The following TMEM132B variants were observed in gnomAD, a reference collection of about 807,000 sequenced individuals.
TMEM132B encodes the protein transmembrane protein 132B.
Under a neutral mutation model 90.8 loss-of-function variants are expected in TMEM132B, and 18 were observed. The observed-to-expected ratio is 0.20, with a 90% CI of 0.14 to 0.29. The LOEUF (loss-of-function observed/expected upper bound fraction) is 0.29, where lower values mean the gene tolerates loss of function less well. Ranked by LOEUF, TMEM132B falls within the 10% of genes least tolerant of loss-of-function variation. The probability of loss-of-function intolerance (pLI) is 1.00; values close to 1 mark genes in which losing one functional copy is unlikely to be tolerated. For synonymous variants in TMEM132B, 504 were observed against 523.3 expected (o/e 0.96, Z 0.50); for missense variants, 1,096 against 1,326.8 (o/e 0.83, Z 2.70).
At chr12:125,585,274 T>C (rs1174951130) in intron 5 of TMEM132B, 2 of 152,186 alleles carry the variant, frequency 1.3e-5, no homozygotes, top group East Asian at 1.9e-4. Context: ...CCTGCACACA[T>C]AGCCCTGCCT....
chr12:125,299,877 T>G (rs940493390), intron 1 of TMEM132B, among the ~76,000 whole-genome samples: 5 of 152,204 alleles, frequency 3.3e-5, no homozygotes, highest in Non-Finnish European at 5.9e-5. Flanking sequence ...CACACAGAGC[T>G]TGTGGGGTTC....
chr12:125,356,164 GT>G (rs922144167), intron 2 of TMEM132B, among the ~76,000 whole-genome samples: 2 of 152,132 alleles, frequency 1.3e-5, no homozygotes, highest in African/African-American at 4.8e-5. Flanking sequence ...TTAAAATAGG[GT>G]TTTCTCAGCT....
chr12:125,368,496 A>G (rs1878197951), intron 2 of TMEM132B, among the ~76,000 whole-genome samples: 1 of 152,140 alleles, frequency 6.6e-6, no homozygotes, highest in East Asian at 1.9e-4. Context: ...ACCCCTCATC[A>G]AATTTTTATT....
chr12:125,470,253 T>C (rs186104259), intron 3 of TMEM132B, among the ~76,000 whole-genome samples: 1 of 152,298 alleles, frequency 6.6e-6, no homozygotes, highest in East Asian at 1.9e-4. Flanking sequence ...AGGCCCACTC[T>C]TTCTCAAGCC....
chr12:125,279,216 C>G (rs1483871816), intron 1 of TMEM132B, among the ~76,000 whole-genome samples: 2 of 152,180 alleles, frequency 1.3e-5, no homozygotes, highest in Non-Finnish European at 2.9e-5. Flanking sequence ...AGGCCATTGC[C>G]AGGTAGGTCC....
At chr12:125,229,408 G>A (rs1488077408) in intron 1 of TMEM132B, among the ~76,000 whole-genome samples, 2 of 152,158 alleles carry the variant, frequency 1.3e-5, no homozygotes, top group African/African-American at 4.8e-5. Flanking sequence ...ACCGTCACTA[G>A]GTTCATTCCT....
At chr12:125,515,176 T>TCA (rs1188552668) in intron 3 of TMEM132B, among the ~76,000 whole-genome samples, 1 of 150,978 alleles carries the variant, frequency 6.6e-6, no homozygotes, top group African/African-American at 2.5e-5. Context: ...TCTCCCACAC[T>TCA]CACACACGCA....
chr12:125,638,972 A>G (rs1213906119), intron 5 of TMEM132B, among the ~76,000 whole-genome samples: 1 of 152,158 alleles, frequency 6.6e-6, no homozygotes, highest in African/African-American at 2.4e-5. Context: ...GATTAACATG[A>G]CACAAATCAT....
At chr12:125,608,580 C>T (rs553444807) in intron 5 of TMEM132B, among the ~76,000 whole-genome samples, 4 of 152,112 alleles carry the variant, frequency 2.6e-5, no homozygotes, top group African/African-American at 9.7e-5. Flanking sequence ...TTGATCAAGT[C>T]TAAATGTAAC....
At chr12:125,481,163 C>G (rs555346880) in intron 3 of TMEM132B, among the ~76,000 whole-genome samples, 2 of 152,260 alleles carry the variant, frequency 1.3e-5, no homozygotes, top group African/African-American at 4.8e-5. Flanking sequence ...ACTGAATAGG[C>G]AAAACTGGAA....
At chr12:125,436,046 G>C (rs911187705) in intron 3 of TMEM132B, among the ~76,000 whole-genome samples, 3 of 152,096 alleles carry the variant, frequency 2.0e-5, no homozygotes, top group East Asian at 1.9e-4. Flanking sequence ...CCTCCCTTCT[G>C]TTCCGAGGCA....
intron 4 of TMEM132B, among the ~76,000 whole-genome samples, chr12:125,529,512 C>G (rs1187539015): frequency 2.0e-5 from 3 of 152,172 alleles, no homozygotes; most frequent in East Asian, 3.9e-4. Context: ...GTCAAGAGAG[C>G]CTTTCTCTGC....
At chr12:125,550,367 A>T (rs1884195686) in intron 4 of TMEM132B, among the ~76,000 whole-genome samples, 1 of 152,104 alleles carries the variant, frequency 6.6e-6, no homozygotes, top group African/African-American at 2.4e-5. Flanking sequence ...TGTTTTTTTT[A>T]AACTCATTTA....
At chr12:125,203,601 T>G (rs987927648) in intron 1 of TMEM132B, among the ~76,000 whole-genome samples, 2 of 152,256 alleles carry the variant, frequency 1.3e-5, no homozygotes, top group African/African-American at 4.8e-5. Flanking sequence ...CTAGAGTTAG[T>G]AGAATTTTAC....
chr12:125,586,317 A>G (rs1176186103), intron 5 of TMEM132B: 1 of 152,214 alleles, frequency 6.6e-6, no homozygotes, highest in Non-Finnish European at 1.5e-5. Context: ...TTGGCCTGTG[A>G]TTGTATGACT....
chr12:125,282,466 A>AT (rs1565991911), intron 1 of TMEM132B, among the ~76,000 whole-genome samples: 1 of 152,146 alleles, frequency 6.6e-6, no homozygotes, highest in African/African-American at 2.4e-5. Context: ...CTGACTTCTC[A>AT]TAACACTCTC....
At chr12:125,394,030 C>A (rs538075809) in intron 2 of TMEM132B, among the ~76,000 whole-genome samples, 1 of 152,282 alleles carries the variant, frequency 6.6e-6, no homozygotes, top group South Asian at 2.1e-4. Flanking sequence ...GACAATGGAT[C>A]TGGAGGGGCA....
At chr12:125,302,719 G>T (rs920497909) in intron 1 of TMEM132B, among the ~76,000 whole-genome samples, 1 of 152,126 alleles carries the variant, frequency 6.6e-6, no homozygotes, top group Non-Finnish European at 1.5e-5. Context: ...GTGTAATTCA[G>T]TAGCATTAAT....
At chr12:125,292,488 A>G (rs956013218) in intron 1 of TMEM132B, among the ~76,000 whole-genome samples, 14 of 152,370 alleles carry the variant, frequency 9.2e-5, no homozygotes, top group African/African-American at 1.9e-4. Flanking sequence ...TAATGAGACA[A>G]TGTAGCAGCT....
Sources: allele counts gnomAD v4.1 joint callset (sites outside exome capture counted in the v4.1 genomes callset), GRCh38; gene constraint gnomAD v4.1.1; transcripts MANE v1.5; gene names NCBI Gene and HGNC (gene_info 2026-07-23, HGNC 2026-07-21).